The following KCNIP4 variants were observed in gnomAD, a reference collection of about 807,000 sequenced individuals.
KCNIP4 encodes the protein potassium voltage-gated channel interacting protein 4.
In KCNIP4, 12 loss-of-function variants were observed where a neutral mutation model predicts 34.0. The ratio of observed to expected loss-of-function variants is 0.35; its 90% CI spans 0.23 to 0.57. The LOEUF (loss-of-function observed/expected upper bound fraction) is 0.57, where lower values mean the gene tolerates loss of function less well. Among genes scored for constraint, KCNIP4 ranks in the 20% least tolerant of loss-of-function variants. The probability of loss-of-function intolerance (pLI) is 0.83; values close to 1 mark genes in which losing one functional copy is unlikely to be tolerated. For synonymous variants in KCNIP4, 124 were observed against 102.2 expected, an observed-to-expected ratio of 1.21 and a Z score of -1.29; for missense variants, 238 against 311.7, an observed-to-expected ratio of 0.76 and a Z score of 1.78.
At chr4:21,458,127 A>T (rs530770097) in intron 1 of KCNIP4, among the ~76,000 whole-genome samples, 1 of 141,184 alleles carries the variant, frequency 7.1e-6, no homozygotes, top group Non-Finnish European at 1.5e-5. Context: ...ATATCTCCCA[A>T]TGCTATCCCT....
chr4:21,018,789 C>T (rs1437253438), intron 1 of KCNIP4, among the ~76,000 whole-genome samples: 1 of 152,118 alleles, frequency 6.6e-6, no homozygotes, highest in African/African-American at 2.4e-5. Context: ...TCTTGGGATA[C>T]TTGGACTAAC....
chr4:20,874,534 G>A (rs764104555), intron 2 of KCNIP4, among the ~76,000 whole-genome samples: 2 of 152,052 alleles, frequency 1.3e-5, no homozygotes, highest in Non-Finnish European at 2.9e-5. Context: ...CAGGTGTCCT[G>A]ACACTCCTAC....
At chr4:21,292,386 A>G (rs570149492) in intron 1 of KCNIP4, among the ~76,000 whole-genome samples, 1 of 151,952 alleles carries the variant, frequency 6.6e-6, no homozygotes, top group Non-Finnish European at 1.5e-5. Flanking sequence ...ACTAACAGAT[A>G]CTCTCTACAT....
chr4:21,476,077 G>T (rs1730937341), intron 1 of KCNIP4, among the ~76,000 whole-genome samples: 1 of 152,132 alleles, frequency 6.6e-6, no homozygotes, highest in African/African-American at 2.4e-5. Context: ...TTCAAAGGTG[G>T]CTCTCTGTAA....
At chr4:21,085,441 C>A (rs140641695) in intron 1 of KCNIP4, among the ~76,000 whole-genome samples, 2 of 152,314 alleles carry the variant, frequency 1.3e-5, no homozygotes, top group African/African-American at 4.8e-5. Flanking sequence ...AACTCTGCAG[C>A]CTTCTGTTCC....
chr4:21,585,598 C>A (rs1274040166), intron 1 of KCNIP4, among the ~76,000 whole-genome samples: 1 of 151,974 alleles, frequency 6.6e-6, no homozygotes, highest in Non-Finnish European at 1.5e-5. Flanking sequence ...GATAGATTGT[C>A]AGGACAAGTG....
Position 21,469,316 on chromosome 4 carries a change from G to T in KCNIP4, c.61+479255C>A, listed in dbSNP as rs1177527675. 7.2e-5 allele frequency among the ~76,000 whole-genome samples: 11 copies of T among 152,134 alleles called. No individual in the cohort carries two copies. In the East Asian group the frequency reaches 1.9e-3, roughly 27 times the overall value. Reference sequence around the variant, plus strand: ...CAGCCTTGGCCTCCCAACATGTTAGGATTATAGGTATGAGCCACCGCACCT... The same window carrying T: ...CAGCCTTGGCCTCCCAACATGTTAGTATTATAGGTATGAGCCACCGCACCT... On this transcript the variant is annotated intron_variant, in intron 1 of 8. Transcript: ENST00000382152.
At chr4:21,284,207 C>T (rs1424652947) in intron 1 of KCNIP4, among the ~76,000 whole-genome samples, 16 of 148,818 alleles carry the variant, frequency 1.1e-4, no homozygotes, top group African/African-American at 3.0e-4. Flanking sequence ...AGCGAGACTC[C>T]GTCTCAAAAA....
chr4:21,691,482 A>T (rs1711628229), intron 1 of KCNIP4, among the ~76,000 whole-genome samples: 1 of 152,080 alleles, frequency 6.6e-6, no homozygotes, highest in Non-Finnish European at 1.5e-5. Context: ...CACTTTATCA[A>T]ATTCTTTTCT....
intron 1 of KCNIP4, among the ~76,000 whole-genome samples, chr4:21,599,734 GC>G (rs1379861668): frequency 1.3e-5 from 2 of 152,026 alleles, no homozygotes; most frequent in Non-Finnish European, 2.9e-5. Context: ...AGTTGCTCTG[GC>G]CAAGCTGACT....
intron 1 of KCNIP4, among the ~76,000 whole-genome samples, chr4:21,421,153 G>A (rs997289767): frequency 2.0e-5 from 3 of 152,214 alleles, no homozygotes; most frequent in African/African-American, 7.2e-5. Context: ...TGGTGAGGAT[G>A]TAGAGAAGAG....
At chr4:21,476,311 G>A (rs1730967033) in intron 1 of KCNIP4, among the ~76,000 whole-genome samples, 1 of 152,278 alleles carries the variant, frequency 6.6e-6, no homozygotes, top group Middle Eastern at 3.4e-3. Flanking sequence ...TGAATTAAAT[G>A]TTGTCCCTCG....
intron 3 of KCNIP4, among the ~76,000 whole-genome samples, chr4:20,829,831 A>T (rs1271332151): frequency 6.6e-6 from 1 of 152,082 alleles, no homozygotes; most frequent in African/African-American, 2.4e-5. Context: ...CGGTGATCTC[A>T]TCCAGTCTCA....
intron 2 of KCNIP4, among the ~76,000 whole-genome samples, chr4:20,873,011 G>T (rs796963996): frequency 6.6e-6 from 1 of 152,030 alleles, no homozygotes; most frequent in Non-Finnish European, 1.5e-5. Context: ...TATCATTTTG[G>T]TGGAGTCACT....
intron 1 of KCNIP4, among the ~76,000 whole-genome samples, chr4:20,967,329 A>G (rs932703860): frequency 6.6e-5 from 10 of 152,206 alleles, no homozygotes; most frequent in African/African-American, 2.4e-4. Context: ...AGGAAGAATC[A>G]ATATCGTGAA....
intron 1 of KCNIP4, among the ~76,000 whole-genome samples, chr4:21,204,690 T>C (rs1756723733): frequency 6.6e-6 from 1 of 152,166 alleles, no homozygotes; most frequent in South Asian, 2.1e-4. Flanking sequence ...TTAAATATGA[T>C]AAAGTATACA....
chr4:21,279,104 T>C lies in KCNIP4; in HGVS notation c.62-396395A>G, dbSNP rs140545378. Reference sequence around the variant, plus strand: ...ACGATGAGTAAGAACAGATGTATTATGAAAGCTTATATTAGGTTGGTGGAA... The same window carrying C: ...ACGATGAGTAAGAACAGATGTATTACGAAAGCTTATATTAGGTTGGTGGAA... On this transcript the variant is annotated intron_variant, in intron 1 of 8. Coordinates refer to ENST00000382152, the MANE Select transcript of KCNIP4 (RefSeq NM_025221.6). 2.0e-5 allele frequency among the ~76,000 whole-genome samples: 3 copies of C among 152,314 alleles called. No homozygotes were observed. In the East Asian group the frequency reaches 5.8e-4, roughly 29 times the overall value.
At chr4:21,261,883 G>C (rs1210602079) in intron 1 of KCNIP4, among the ~76,000 whole-genome samples, 1 of 152,078 alleles carries the variant, frequency 6.6e-6, no homozygotes, top group Non-Finnish European at 1.5e-5. Context: ...CACTTCTCAT[G>C]GTGGTTAGAC....
chr4:20,748,894 G>GTGTGTATA (rs1160169512), intron 5 of KCNIP4, among the ~76,000 whole-genome samples: 8 of 145,260 alleles, frequency 5.5e-5, no homozygotes, highest in African/African-American at 1.3e-4. Flanking sequence ...GTGTGTGTGT[G>GTGTGTATA]TATATATATA....
Sources: allele counts gnomAD v4.1 joint callset (sites outside exome capture counted in the v4.1 genomes callset), GRCh38; gene constraint gnomAD v4.1.1; transcripts MANE v1.5; gene names NCBI Gene and HGNC (gene_info 2026-07-23, HGNC 2026-07-21).